The following IL15 variants were observed in gnomAD, a reference collection of about 807,000 sequenced individuals.
IL15 encodes the protein interleukin-15.
In IL15, 11 loss-of-function variants were observed where a neutral mutation model predicts 19.6. That is an observed-to-expected ratio of 0.56 (90% CI 0.35 to 0.93). IL15 has a LOEUF of 0.93. Ranked by LOEUF, IL15 falls within the 40% of genes least tolerant of loss-of-function variation. The probability of loss-of-function intolerance (pLI) is 0.01; values close to 1 mark genes in which losing one functional copy is unlikely to be tolerated. For missense variants in IL15, 197 were observed against 186.5 expected, an observed-to-expected ratio of 1.06 and a Z score of -0.33; for synonymous variants, 58 against 59.6, an observed-to-expected ratio of 0.97 and a Z score of 0.12.
intron 1 of IL15, among the ~76,000 whole-genome samples, chr4:141,650,274 C>A (rs1266682902): frequency 3.3e-5 from 5 of 151,952 alleles, no homozygotes; most frequent in Non-Finnish European, 7.4e-5. Context: ...TGGAATGGAG[C>A]AAATTACAAT....
At chr4:141,684,259 A>T (rs373885317) in intron 2 of IL15, among the ~76,000 whole-genome samples, 19 of 152,274 alleles carry the variant, frequency 1.2e-4, no homozygotes, top group East Asian at 3.9e-4. Context: ...AGGAATTGTA[A>T]ATGAATTTAT....
chr4:141,702,005 C>G (rs184442028), intron 2 of IL15, among the ~76,000 whole-genome samples: 15 of 152,320 alleles, frequency 9.8e-5, no homozygotes, highest in African/African-American at 3.6e-4. Context: ...GACGCATATA[C>G]ACTGCATTCT....
At chr4:141,656,925 A>G (rs1317479470) in intron 2 of IL15, among the ~76,000 whole-genome samples, 4 of 152,226 alleles carry the variant, frequency 2.6e-5, no homozygotes, top group Admixed American at 6.5e-5. Flanking sequence ...ATGTAAGGTC[A>G]AGTTCAGTCT....
chr4:141,656,465 C>G lies in IL15; in HGVS notation c.-100+158C>G, dbSNP rs140405683. 1.0e-3 allele frequency among the ~76,000 whole-genome samples: 154 copies of G among 152,254 alleles called. 1 individual carries two copies. Among genetic ancestry groups the G allele is most frequent in the African/African-American group, 3.3e-3 (137 of 41,542 alleles). ...TTAAAAAATATACCCTTTGTTATTG[C>G]ATGCTTAAAGCATATATTTGAAGGC... On this transcript the variant is annotated intron_variant, in intron 2 of 7. Coordinates refer to ENST00000320650, the MANE Select transcript of IL15 (RefSeq NM_000585.5).
At chr4:141,721,314 CT>C (rs1288926262) in intron 4 of IL15, 4 of 638,570 alleles carry the variant, frequency 6.3e-6, no homozygotes, top group Non-Finnish European at 1.1e-5. Context: ...TGTATTTTGT[CT>C]GGATATTAAA....
At chr4:141,654,259 T>TCTGGAAGGGAAGCAGGCCAGATTC (rs1364024649) in intron 1 of IL15, among the ~76,000 whole-genome samples, 23 of 152,202 alleles carry the variant, frequency 1.5e-4, no homozygotes, top group South Asian at 6.2e-4. Flanking sequence ...ATGTTACAGC[T>TCTGGAAGGGAAGCAGGCCAGATTC]CTGGAAGGGA....
At position 141,721,929 on chromosome 4, in the gene IL15, T is replaced by A. The variant is rs1347020713; in HGVS notation, c.116T>A (p.Phe39Tyr). ...CTCTATGGTTTTTCTTTCAGCTGTT[T>A]CAGTGCAGGGCTTCCTAAAACAGAA... Reference protein sequence around the residue: ...AGIHVFILGCFSAGLPKTEAN... With the variant: ...AGIHVFILGCYSAGLPKTEAN... The change falls in exon 5 of 8, where the codon TTC (phenylalanine) becomes TAC (tyrosine). Residue 39 changes from phenylalanine (F) to tyrosine (Y), a missense_variant. Transcript: ENST00000320650. The A allele has an allele frequency of 6.3e-7, 1 of 1,583,984 alleles. No individual in the cohort carries two copies. The highest frequency in any genetic ancestry group is 1.7e-5 in the Admixed American group (1 of 58,818).
intron 2 of IL15, among the ~76,000 whole-genome samples, chr4:141,664,343 A>AAAAAC: frequency 2.1e-4 from 1 of 4,804 alleles, no homozygotes; most frequent in African/African-American, 1.3e-3. Context: ...GGTGGGCAAA[A>AAAAAC]CACACACACA....
chr4:141,680,956 T>G (rs1424542102), intron 2 of IL15, among the ~76,000 whole-genome samples: 1 of 152,254 alleles, frequency 6.6e-6, no homozygotes, highest in Non-Finnish European at 1.5e-5. Flanking sequence ...CATGCTTCAG[T>G]GCCAGTTCTT....
chr4:141,683,934 A>G (rs1728624957), intron 2 of IL15, among the ~76,000 whole-genome samples: 1 of 152,242 alleles, frequency 6.6e-6, no homozygotes, highest in Non-Finnish European at 1.5e-5. Context: ...GAGATTAATA[A>G]CTAGCTTTAG....
At position 141,659,100 on chromosome 4, in the gene IL15, C is replaced by T. The variant is rs920483531; in HGVS notation, c.-100+2793C>T. Among the ~76,000 whole-genome samples, 7 of 151,994 alleles carry T rather than the reference C, an allele frequency of 4.6e-5. No individual in the cohort carries two copies. The East Asian group carries it at 7.7e-4, about 17-fold the overall frequency. ...TCCTGACCTTGTGATCCACCTGCCT[C>T]GGCCTCCCAAAGTGCTGGGATTACA... On this transcript the variant is annotated intron_variant, in intron 2 of 7. Coordinates refer to ENST00000320650, the MANE Select transcript of IL15 (RefSeq NM_000585.5).
At chr4:141,709,359 A>G (rs1017452971) in intron 2 of IL15, among the ~76,000 whole-genome samples, 8 of 152,180 alleles carry the variant, frequency 5.3e-5, no homozygotes, top group Non-Finnish European at 1.0e-4. Flanking sequence ...TCAAATGTAC[A>G]TATATACTAC....
At chr4:141,719,260 T>A in intron 2 of IL15, 106 bp from the exon 3 acceptor site, 1 of 463,540 alleles carries the variant, frequency 2.2e-6, no homozygotes, top group East Asian at 3.5e-5. Context: ...GTTAAGTAAC[T>A]AATAGAGTGC....
intron 2 of IL15, among the ~76,000 whole-genome samples, chr4:141,683,594 A>G (rs990438547): frequency 1.3e-5 from 2 of 150,548 alleles, no homozygotes; most frequent in Non-Finnish European, 1.5e-5. Flanking sequence ...AAGAAAAAAG[A>G]AAAAAAAACA....
chr4:141,656,407 T>A (rs531797913), intron 2 of IL15, 100 bp downstream of exon 2: 1 of 395,136 alleles, frequency 2.5e-6, no homozygotes, highest in South Asian at 1.4e-4. Flanking sequence ...TGAAGTTATA[T>A]ATACTCACAG....
intron 2 of IL15, among the ~76,000 whole-genome samples, chr4:141,659,206 C>CTTT (rs398064100): frequency 8.3e-6 from 1 of 120,178 alleles, no homozygotes; most frequent in Non-Finnish European, 1.8e-5. Context: ...TTCCTGGTGT[C>CTTT]TTTTTTTTTT....
chr4:141,689,296 G>A (rs975333006), intron 2 of IL15, among the ~76,000 whole-genome samples: 4 of 152,110 alleles, frequency 2.6e-5, no homozygotes, highest in Non-Finnish European at 5.9e-5. Flanking sequence ...CTCTTATCTG[G>A]CCCCACCCAC....
chr4:141,731,901 T>C (rs1730464961), intron 7 of IL15, among the ~76,000 whole-genome samples: 2 of 152,180 alleles, frequency 1.3e-5, no homozygotes, highest in African/African-American at 4.8e-5. Flanking sequence ...AACATTCTAG[T>C]TATCCATGAG....
chr4:141,723,738 G>A (rs745918123), intron 5 of IL15, among the ~76,000 whole-genome samples: 1 of 152,090 alleles, frequency 6.6e-6, no homozygotes, highest in Non-Finnish European at 1.5e-5. Flanking sequence ...AAATAAAGTT[G>A]CTATAATCCA....
Sources: allele counts gnomAD v4.1 joint callset (sites outside exome capture counted in the v4.1 genomes callset), GRCh38; gene constraint gnomAD v4.1.1; transcripts MANE v1.5; gene names NCBI Gene and HGNC (gene_info 2026-07-23, HGNC 2026-07-21).